SPRY3: variants seen among roughly 807,000 people sequenced by gnomAD.
SPRY3 encodes sprouty RTK signaling antagonist 3.
SPRY3 carries 15 observed loss-of-function variants against 20.2 expected under a neutral mutation model. The observed-to-expected ratio is 0.74, with a 90% confidence interval of 0.50 to 1.14. The LOEUF (loss-of-function observed/expected upper bound fraction) is 1.14, where lower values mean the gene tolerates loss of function less well. SPRY3 is among the 50% of genes most tolerant of loss of function. The pLI, the probability that SPRY3 is intolerant of heterozygous loss-of-function variation, is 0.00. For missense variants in SPRY3, 364 were observed against 363.9 expected, an observed-to-expected ratio of 1.00 and a Z score of 0.00; for synonymous variants, 143 against 136.5, an observed-to-expected ratio of 1.05 and a Z score of -0.33.
At chrX:155,713,178 G>T (rs1195422743) in intron 2 of SPRY3, among the ~76,000 whole-genome samples, 1 of 151,854 alleles carries the variant, frequency 6.6e-6, no homozygotes, top group Non-Finnish European at 1.5e-5. Flanking sequence ...GTGCCATGGT[G>T]GTTTGCTGCA....
chrX:155,686,124 G>C (rs1394395344), intron 2 of SPRY3, among the ~76,000 whole-genome samples: 1 of 111,422 alleles, frequency 9.0e-6, no homozygotes, highest in Non-Finnish European at 1.9e-5. Flanking sequence ...TTTCTATTGT[G>C]TTCTCCTTTA....
At position 155,754,474 on chromosome X, in the gene SPRY3, T is replaced by C. The variant is rs143060408; in HGVS notation, c.-281-13488T>C. The stretch of plus-strand genomic sequence containing the variant: ...TATGTATATCCTTATTCCAGTACTA[T>C]ACCATCTTGATTACTGTAGTATTGT... On this transcript the variant is annotated intron_variant, in intron 2 of 3. Coordinates refer to ENST00000675360, the Ensembl canonical transcript of SPRY3. 2.9e-3 allele frequency among the ~76,000 whole-genome samples: 444 copies of C among 152,186 alleles called. 1 individual carries two copies. Among genetic ancestry groups the C allele is most frequent in the African/African-American group, 9.8e-3 (406 of 41,574 alleles).
intron 2 of SPRY3, among the ~76,000 whole-genome samples, chrX:155,710,921 T>C (rs1352763513): frequency 1.3e-5 from 2 of 151,766 alleles, no homozygotes; most frequent in Admixed American, 6.6e-5. Flanking sequence ...TTTATTTTAA[T>C]GATCATATGG....
intron 2 of SPRY3, among the ~76,000 whole-genome samples, chrX:155,666,986 T>C: frequency 9.0e-6 from 1 of 110,897 alleles, no homozygotes. Flanking sequence ...TAGAGTGTTT[T>C]GTATAGCATG....
At chrX:155,656,009 T>C (rs993796888) in intron 1 of SPRY3, among the ~76,000 whole-genome samples, 5 of 112,076 alleles carry the variant, frequency 4.5e-5, no homozygotes, top group Non-Finnish European at 7.5e-5. Context: ...ACCTGACCTT[T>C]CTCTCTGGCT....
chrX:155,731,461 A>G (rs1221073016), intron 2 of SPRY3, among the ~76,000 whole-genome samples: 2 of 152,132 alleles, frequency 1.3e-5, no homozygotes, highest in East Asian at 1.9e-4. Context: ...ATCTACATGC[A>G]GAATGAAACT....
At chrX:155,767,579 G>T (rs1454733950) in intron 2 of SPRY3, among the ~76,000 whole-genome samples, 1 of 147,960 alleles carries the variant, frequency 6.8e-6, no homozygotes, top group Non-Finnish European at 1.5e-5. Flanking sequence ...GGTAAAGGAG[G>T]AAGAAGGGGA....
intron 1 of SPRY3, among the ~76,000 whole-genome samples, chrX:155,650,243 G>T (rs2067972520): frequency 9.0e-6 from 1 of 111,311 alleles, no homozygotes. Flanking sequence ...TTTCCTCACA[G>T]AATTAGAAAA....
chrX:155,616,864 C>G (rs781882660), intron 1 of SPRY3, among the ~76,000 whole-genome samples: 1 of 110,440 alleles, frequency 9.1e-6, no homozygotes, highest in African/African-American at 3.3e-5. Flanking sequence ...TTATTAGTAC[C>G]CATGTTAATA....
At chrX:155,627,932 T>C (rs782755486) in intron 1 of SPRY3, among the ~76,000 whole-genome samples, 2 of 110,515 alleles carry the variant, frequency 1.8e-5, no homozygotes, top group South Asian at 8.0e-4. Context: ...CCTGTGTTAG[T>C]TTGCTGAAGA....
At position 155,767,213 on chromosome X, in the gene SPRY3, C is replaced by T. The variant is rs306882; in HGVS notation, c.-281-749C>T. On this transcript the variant is annotated intron_variant, in intron 2 of 3. Transcript: ENST00000675360. Reference sequence around the variant, plus strand: ...TTAAGAGCTACAGCTCCGGGAAAGCCAACGACACGCGGGGGGAGGGGGGAG... The same window carrying T: ...TTAAGAGCTACAGCTCCGGGAAAGCTAACGACACGCGGGGGGAGGGGGGAG... Among the ~76,000 whole-genome samples, 253 of 151,630 alleles carry T rather than the reference C, an allele frequency of 1.7e-3. 9 individuals carry two copies. In the East Asian group the frequency reaches 0.047, roughly 28 times the overall value.
At chrX:155,703,823 T>A (rs916696632) in intron 2 of SPRY3, among the ~76,000 whole-genome samples, 7 of 152,016 alleles carry the variant, frequency 4.6e-5, no homozygotes, top group African/African-American at 1.7e-4. Flanking sequence ...GTGTCTTTGT[T>A]CTCGTTGGGG....
chrX:155,676,790 C>A (rs782507887), intron 2 of SPRY3, among the ~76,000 whole-genome samples: 1 of 111,803 alleles, frequency 8.9e-6, no homozygotes, highest in Non-Finnish European at 1.9e-5. Flanking sequence ...CTCTGTGAAG[C>A]CCCTTTATAG....
At chrX:155,704,887 G>T (rs1366482775) in intron 2 of SPRY3, among the ~76,000 whole-genome samples, 1 of 151,512 alleles carries the variant, frequency 6.6e-6, no homozygotes, top group African/African-American at 2.4e-5. Context: ...AGAATAATTT[G>T]TCAACCCAGG....
intron 2 of SPRY3, among the ~76,000 whole-genome samples, chrX:155,707,259 A>C (rs2090958535): frequency 6.6e-6 from 1 of 151,214 alleles, no homozygotes; most frequent in East Asian, 1.9e-4. Context: ...ATCGTTTGGA[A>C]GTGTAGTTGA....
At chrX:155,697,633 GGTGTGTGTGTGTGTGT>G (rs746391298) in intron 2 of SPRY3, among the ~76,000 whole-genome samples, 2 of 104,742 alleles carry the variant, frequency 1.9e-5, no homozygotes, top group Non-Finnish European at 3.9e-5. Flanking sequence ...TGTAGGTAGG[GGTGTGTGTGTGTGTGT>G]GTGTGTCTGT....
chrX:155,768,924 C>T (rs1052943860), intron 3 of SPRY3, among the ~76,000 whole-genome samples: 5 of 152,194 alleles, frequency 3.3e-5, no homozygotes, highest in African/African-American at 1.2e-4. Flanking sequence ...AACTCTTAAG[C>T]AGAAAATCTA....
At chrX:155,680,214 G>GAGA (rs1557355412) in intron 2 of SPRY3, among the ~76,000 whole-genome samples, 6 of 103,632 alleles carry the variant, frequency 5.8e-5, no homozygotes, top group Middle Eastern at 4.4e-3. Flanking sequence ...GAGAGAGAGA[G>GAGA]AGAGAAGAGA....
At chrX:155,632,828 T>C (rs1308109397) in intron 1 of SPRY3, among the ~76,000 whole-genome samples, 1 of 111,534 alleles carries the variant, frequency 9.0e-6, no homozygotes, top group Non-Finnish European at 1.9e-5. Context: ...GAGTAAAGAA[T>C]TGTGGCCATC....
Sources: gnomAD v4.1 joint callset for allele counts (sites outside exome capture counted in the v4.1 genomes callset) on GRCh38, gnomAD v4.1.1 for gene constraint, MANE v1.5 for transcripts, NCBI Gene and HGNC (gene_info 2026-07-23, HGNC 2026-07-21) for gene names.